DACT1: variants seen among roughly 807,000 people sequenced by gnomAD.
DACT1 encodes the protein dapper homolog 1.
In DACT1, 19 loss-of-function variants were observed where a neutral mutation model predicts 35.3. The ratio of observed to expected loss-of-function variants is 0.54; its 90% CI spans 0.38 to 0.79. The LOEUF (loss-of-function observed/expected upper bound fraction) is 0.79. Ranked by LOEUF, DACT1 falls within the 30% of genes least tolerant of loss-of-function variation. DACT1 has a pLI of 0.00. For missense variants in DACT1, 1,143 were observed against 1,057.5 expected (o/e 1.08, Z -1.12); for synonymous variants, 545 against 466.7 (o/e 1.17, Z -2.16).
At chr14:58,640,406 C>T (rs922168962) in intron 1 of DACT1, among the ~76,000 whole-genome samples, 2 of 152,170 alleles carry the variant, frequency 1.3e-5, no homozygotes, top group Non-Finnish European at 2.9e-5. Context: ...TTTTAAAAGA[C>T]TGGTTATACA....
At chr14:58,641,490 A>G in intron 2 of DACT1, 102 bp from the exon 3 acceptor site, 2 of 1,380,012 alleles carry the variant, frequency 1.4e-6, no homozygotes, top group Non-Finnish European at 9.9e-7. Context: ...AAAAACAAAC[A>G]AAAAATCTCC....
rs2140210739 is a variant in DACT1, at chr14:58,638,100, C to T, written c.-103C>T. Reference sequence around the variant, plus strand: ...CGTCCCCGCCAGCGCCGCGCCCCGCCACAGGGCGGCATGAGCCCACCCGCG... The same window carrying T: ...CGTCCCCGCCAGCGCCGCGCCCCGCTACAGGGCGGCATGAGCCCACCCGCG... On this transcript the variant is annotated 5_prime_UTR_variant, in exon 1 of 4. Coordinates refer to ENST00000395153, the MANE Select transcript of DACT1 (RefSeq NM_001079520.2). The T allele has an allele frequency of 8.6e-7, 1 of 1,162,530 alleles. No individual in the cohort carries two copies. Among genetic ancestry groups the T allele is most frequent in the African/African-American group, 1.6e-5 (1 of 62,266 alleles). 72.0% of individuals were successfully genotyped at this position (1,162,530 alleles called of 1,614,324 possible).
Position 58,646,249 on chromosome 14 carries a change from C to T in DACT1, c.1515C>T (p.Ser505=), listed in dbSNP as rs762554521. The T allele has an allele frequency of 1.2e-5, 20 of 1,613,872 alleles. No individual in the cohort carries two copies. Among genetic ancestry groups the T allele is most frequent in the Non-Finnish European group, 1.7e-5 (20 of 1,179,968 alleles). Residue 505 remains serine, a synonymous_variant, in exon 4 of 4, where the codon AGC becomes AGT. Transcript: ENST00000395153. The part of the protein sequence containing the change: ...VEERPALDFK[S]EGSSQSLEEA... The stretch of plus-strand genomic sequence containing the variant: ...AGAGGCCTGCCTTGGATTTCAAGAG[C>T]GAGGGCTCTTCCCAAAGCCTGGAGG...
rs201114969 is a variant in DACT1 at position 58,645,871 on chromosome 14, G to A, written c.1137G>A (p.Pro379=). The part of the protein sequence containing the change: ...PSLNNGTFSP[P]KQWSKESKAE... Reference sequence around the variant, plus strand: ...TGAACAATGGGACATTCTCCCCACCGAAGCAGTGGTCGAAAGAATCAAAGG... The same window carrying A: ...TGAACAATGGGACATTCTCCCCACCAAAGCAGTGGTCGAAAGAATCAAAGG... The change falls in exon 4 of 4, where the codon CCG becomes CCA. Residue 379 remains proline, a synonymous_variant. Coordinates refer to ENST00000395153, the MANE Select transcript of DACT1 (RefSeq NM_001079520.2). The A allele has an allele frequency of 3.0e-5, 48 of 1,614,238 alleles. No individual in the cohort carries two copies. Among genetic ancestry groups the A allele is most frequent in the Middle Eastern group, 3.3e-4 (2 of 6,062 alleles).
At chr14:58,642,236 T>C (rs991762805) in intron 3 of DACT1, among the ~76,000 whole-genome samples, 3 of 151,844 alleles carry the variant, frequency 2.0e-5, no homozygotes, top group Non-Finnish European at 4.4e-5. Context: ...ACTATAATCC[T>C]AGCACTTTGG....
At chr14:58,637,160 C>G (rs534716517), upstream of DACT1, among the ~76,000 whole-genome samples, 1 of 152,354 alleles carries the variant, frequency 6.6e-6, no homozygotes, top group South Asian at 2.1e-4. Context: ...TCCAGACAGT[C>G]TGATTTCTGA....
Position 58,646,813 on chromosome 14 carries a change from C to T in DACT1, c.2079C>T (p.Cys693=), listed in dbSNP as rs757244053. 4 of 1,614,028 alleles carry T rather than the reference C, an allele frequency of 2.5e-6. No homozygotes were observed. The South Asian group carries it at 4.4e-5, about 18-fold the overall frequency. ...VASDSEYSAE[C]ESLFHSTVVD... ...GCGACTCCGAGTACTCGGCCGAGTG[C>T]GAGTCCCTGTTCCACTCCACCGTGG... The change falls in exon 4 of 4, where the codon TGC becomes TGT. Residue 693 remains cysteine (C), a synonymous_variant. Transcript: ENST00000395153.
intron 2 of DACT1, among the ~76,000 whole-genome samples, chr14:58,641,277 T>A (rs756199722): frequency 1.1e-4 from 17 of 151,420 alleles, no homozygotes; most frequent in Non-Finnish European, 2.1e-4. Flanking sequence ...TCTGAAACAA[T>A]CATGATAAAG....
At position 58,645,497 on chromosome 14, in the gene DACT1, C is replaced by G; in HGVS notation, c.763C>G (p.Leu255Val). The G allele has an allele frequency of 6.2e-7, 1 of 1,614,236 alleles. No homozygotes were observed. Among genetic ancestry groups the G allele is most frequent in the Non-Finnish European group, 8.5e-7 (1 of 1,180,042 alleles). Residue 255 changes from leucine (L) to valine (V), a missense_variant, in exon 4 of 4, where the codon CTG (leucine) becomes GTG (valine). Physicochemically the swap from Leu to Val is conservative, Grantham distance 32 (BLOSUM62 1). Around this residue, in one of 3 missense-constraint regions of DACT1, gnomAD observed 1,054 missense variants for 958.8 expected, o/e 1.10. Transcript: ENST00000395153. ...TCTCCTTTGTCTGACGGGCAACCCT[C>G]TGAGGGAAGAGGACAGGCTTGGAAA... The part of the protein sequence containing the change: ...MFLLCLTGNP[L>V]REEDRLGNHA...
Position 58,645,654 on chromosome 14 carries a change from G to T in DACT1, c.920G>T (p.Ser307Ile). 6.2e-7 allele frequency: 1 copy of T among 1,614,176 alleles called. No individual in the cohort carries two copies. Among genetic ancestry groups the T allele is most frequent in the Non-Finnish European group, 8.5e-7 (1 of 1,180,044 alleles). The part of the protein sequence containing the change: ...SSKKMDGYIL[S>I]LVQKKTHPVR... ...AAGAAAATGGATGGCTACATTCTGA[G>T]CCTGGTCCAGAAAAAAACACACCCT... Residue 307 changes from serine (S) to isoleucine (I), a missense_variant, in exon 4 of 4, where the codon AGC (serine) becomes ATC (isoleucine). By Grantham distance (142) the Ser-to-Ile change is moderately radical. Transcript: ENST00000395153.
intron 2 of DACT1, among the ~76,000 whole-genome samples, chr14:58,641,336 G>A (rs990152119): frequency 5.9e-5 from 9 of 151,992 alleles, no homozygotes; most frequent in African/African-American, 2.2e-4. Flanking sequence ...GTTCAAAGGC[G>A]GGGTCAAGGA....
intron 1 of DACT1, among the ~76,000 whole-genome samples, chr14:58,639,525 G>A (rs2047607621): frequency 6.6e-6 from 1 of 152,170 alleles, no homozygotes; most frequent in Non-Finnish European, 1.5e-5. Context: ...TGGTGATGCT[G>A]TGCAGTTGTC....
intron 3 of DACT1, 49 bp downstream of exon 3, chr14:58,641,796 G>A (rs1475148722): frequency 1.3e-6 from 2 of 1,589,392 alleles, no homozygotes; most frequent in African/African-American, 1.4e-5. Context: ...AGGCATCAAG[G>A]GCCCTTAAAA....
Position 58,645,646 on chromosome 14 carries a change from C to T in DACT1, c.912C>T (p.Tyr304=). 6.2e-7 allele frequency: 1 copy of T among 1,614,194 alleles called. No individual in the cohort carries two copies. The highest frequency in any genetic ancestry group is 8.5e-7 in the Non-Finnish European group (1 of 1,180,026). ...CATCCAGCAAGAAAATGGATGGCTA[C>T]ATTCTGAGCCTGGTCCAGAAAAAAA... is the stretch of plus-strand genomic sequence containing the variant. ...HPSSSKKMDG[Y]ILSLVQKKTH... The change falls in exon 4 of 4, where the codon TAC becomes TAT. Residue 304 remains tyrosine, a synonymous_variant. Coordinates refer to ENST00000395153, the MANE Select transcript of DACT1 (RefSeq NM_001079520.2).
chr14:58,641,573 A>C lies in DACT1; in HGVS notation c.479-19A>C. ...ATTTCTTGACATGATGTTAATTCCA[A>C]CGGTGTTTTTATTTGTAGGGTTTTA... On this transcript the variant is annotated intron_variant, in intron 2 of 3. Coordinates refer to ENST00000395153, the MANE Select transcript of DACT1 (RefSeq NM_001079520.2). 6.2e-7 allele frequency: 1 copy of C among 1,607,434 alleles called. No individual in the cohort carries two copies. The highest frequency in any genetic ancestry group is 8.5e-7 in the Non-Finnish European group (1 of 1,177,390).
At chr14:58,635,687 AG>A (rs2047568386), upstream of DACT1, among the ~76,000 whole-genome samples, 1 of 19,708 alleles carries the variant, frequency 5.1e-5, no homozygotes, top group South Asian at 1.9e-3. Flanking sequence ...TTTGGTGAGG[AG>A]GGGGGTTGGG....
In DACT1 at chr14:58,645,680, G is replaced by A. The variant is rs1282439947; in HGVS notation, c.946G>A (p.Val316Ile). The A allele has an allele frequency of 1.2e-6, 2 of 1,614,114 alleles. No individual in the cohort carries two copies. Among genetic ancestry groups the A allele is most frequent in the African/African-American group, 2.7e-5 (2 of 74,950 alleles). The change falls in exon 4 of 4, where the codon GTA becomes ATA. Residue 316 changes from valine (V) to isoleucine (I), a missense_variant. Around this residue, in one of 3 missense-constraint regions of DACT1, gnomAD observed 1,054 missense variants for 958.8 expected, o/e 1.10. Coordinates refer to ENST00000395153, the MANE Select transcript of DACT1 (RefSeq NM_001079520.2). Reference sequence around the variant, plus strand: ...CCTGGTCCAGAAAAAAACACACCCTGTAAGGACCAACAAACCAAGAACCAG... The same window carrying A: ...CCTGGTCCAGAAAAAAACACACCCTATAAGGACCAACAAACCAAGAACCAG... Reference protein sequence around the residue: ...LSLVQKKTHPVRTNKPRTSVN... With the variant: ...LSLVQKKTHPIRTNKPRTSVN...
chr14:58,634,706 G>C (rs570184231), upstream of DACT1, among the ~76,000 whole-genome samples: 33 of 152,324 alleles, frequency 2.2e-4, no homozygotes, highest in East Asian at 1.2e-3. Context: ...TGCTTTGCTT[G>C]ATGGCAAAAT....
intron 3 of DACT1, 40 bp from the exon 4 acceptor site, chr14:58,645,329 C>T: frequency 1.9e-6 from 3 of 1,614,208 alleles, no homozygotes; most frequent in Non-Finnish European, 2.5e-6. Context: ...TTGCCGTTCC[C>T]TCTCCACACC....
Sources: gnomAD v4.1 joint callset for allele counts (sites outside exome capture counted in the v4.1 genomes callset) on GRCh38, gnomAD v4.1.1 for gene constraint, gnomAD v4.1.1 regional missense constraint, MANE v1.5 for transcripts, NCBI Gene and HGNC (gene_info 2026-07-23, HGNC 2026-07-21) for gene names.